Variants in AGBL4 observed in about 807,000 individuals in gnomAD.
AGBL4 encodes cytosolic carboxypeptidase 6.
AGBL4 carries 58 observed loss-of-function variants against 66.4 expected under a neutral mutation model. The observed-to-expected ratio is 0.87, with a 90% CI of 0.71 to 1.09. The LOEUF (loss-of-function observed/expected upper bound fraction) is 1.09. Among genes scored for constraint, AGBL4 ranks in the 50% least tolerant of loss-of-function variants. The pLI, the probability that AGBL4 is intolerant of heterozygous loss-of-function variation, is 0.00. For missense variants in AGBL4, 579 were observed against 631.0 expected (o/e 0.92, Z 0.88); for synonymous variants, 234 against 222.9 (o/e 1.05, Z -0.44).
intron 1 of AGBL4, among the ~76,000 whole-genome samples, chr1:50,010,493 C>CAG (rs1360108724): frequency 1.3e-5 from 2 of 151,486 alleles, no homozygotes; most frequent in Non-Finnish European, 1.5e-5. Flanking sequence ...CACACACACA[C>CAG]ACAACAGAGC....
At chr1:49,783,827 C>T in intron 2 of AGBL4, among the ~76,000 whole-genome samples, 1 of 151,718 alleles carries the variant, frequency 6.6e-6, no homozygotes, top group East Asian at 1.9e-4. Context: ...ATCAACACAC[C>T]AAAAAAATTT....
chr1:48,887,217 GA>G (rs1273364806), intron 5 of AGBL4, among the ~76,000 whole-genome samples: 2 of 152,110 alleles, frequency 1.3e-5, no homozygotes, highest in African/African-American at 4.8e-5. Context: ...GGGCATAGAG[GA>G]AAAAGATGAC....
At chr1:49,430,732 C>T (rs1222628717) in intron 3 of AGBL4, among the ~76,000 whole-genome samples, 1 of 152,166 alleles carries the variant, frequency 6.6e-6, no homozygotes, top group Non-Finnish European at 1.5e-5. Context: ...GAAACTAGCA[C>T]TCAGATCCAA....
At chr1:49,007,741 G>T (rs12039863) in intron 5 of AGBL4, among the ~76,000 whole-genome samples, 84,997 of 149,692 alleles carry the variant, frequency 0.57, 24,542 homozygotes, top group Non-Finnish European at 0.61. Context: ...TTAAAGAAAA[G>T]AATTTTCAAC....
At chr1:48,749,951 C>A (rs1345461973) in intron 6 of AGBL4, among the ~76,000 whole-genome samples, 1 of 152,148 alleles carries the variant, frequency 6.6e-6, no homozygotes, top group African/African-American at 2.4e-5. Flanking sequence ...GTGGGGTGGG[C>A]AGCATAAGGG....
At chr1:48,780,211 G>T (rs568243812) in intron 6 of AGBL4, among the ~76,000 whole-genome samples, 4 of 48,584 alleles carry the variant, frequency 8.2e-5, no homozygotes, top group Non-Finnish European at 1.5e-4. Flanking sequence ...ACAGGCCCCG[G>T]TATGTGATGT....
rs548184154 is a variant in AGBL4, at chr1:49,658,775, G to A, written c.282+38538C>T. Among the ~76,000 whole-genome samples, 268 of 151,348 alleles carry A rather than the reference G, an allele frequency of 1.8e-3. 1 individual carries two copies. The highest frequency in any genetic ancestry group is 5.9e-3 in the African/African-American group (244 of 41,200). ...TCGCAAGGACAAAAAACCAAACACC[G>A]CATGTTCTCACTCACAGGTGGGAAT... On this transcript the variant is annotated intron_variant, in intron 3 of 13. Coordinates refer to ENST00000371839, the MANE Select transcript of AGBL4 (RefSeq NM_032785.4).
chr1:48,630,516 C>G (rs1298620095), intron 9 of AGBL4, among the ~76,000 whole-genome samples: 1 of 152,156 alleles, frequency 6.6e-6, no homozygotes. Flanking sequence ...AGACTCCTTC[C>G]TCTCCCATCA....
At chr1:48,970,554 T>C (rs545596462) in intron 5 of AGBL4, among the ~76,000 whole-genome samples, 2 of 152,352 alleles carry the variant, frequency 1.3e-5, no homozygotes, top group South Asian at 2.1e-4. Context: ...TATTCTTTTA[T>C]AGTGCAGATT....
chr1:49,270,774 G>T (rs994484298), intron 3 of AGBL4, among the ~76,000 whole-genome samples: 3 of 152,054 alleles, frequency 2.0e-5, no homozygotes, highest in Non-Finnish European at 2.9e-5. Context: ...ACATCATTGG[G>T]AATTCTAATT....
chr1:49,348,033 T>C (rs980477577), intron 3 of AGBL4, among the ~76,000 whole-genome samples: 3 of 152,162 alleles, frequency 2.0e-5, no homozygotes, highest in African/African-American at 7.2e-5. Context: ...GGCAAAGGCT[T>C]TGCAGATACG....
intron 3 of AGBL4, among the ~76,000 whole-genome samples, chr1:49,596,994 C>T (rs1365727570): frequency 6.6e-6 from 1 of 152,148 alleles, no homozygotes; most frequent in Non-Finnish European, 1.5e-5. Context: ...ACCAAGCATG[C>T]ATATTAAAGT....
chr1:48,766,198 G>A (rs1644520399), intron 6 of AGBL4, among the ~76,000 whole-genome samples: 1 of 152,084 alleles, frequency 6.6e-6, no homozygotes, highest in African/African-American at 2.4e-5. Flanking sequence ...CTTGCAAGTA[G>A]GTATTATAAG....
At chr1:49,941,945 G>A (rs1172677756) in intron 1 of AGBL4, among the ~76,000 whole-genome samples, 1 of 151,980 alleles carries the variant, frequency 6.6e-6, no homozygotes, top group Admixed American at 6.6e-5. Flanking sequence ...AAAATTATAT[G>A]ATCTTTTACA....
At chr1:49,638,475 CA>C (rs1645720235) in intron 3 of AGBL4, among the ~76,000 whole-genome samples, 1 of 152,178 alleles carries the variant, frequency 6.6e-6, no homozygotes, top group Non-Finnish European at 1.5e-5. Context: ...CTAATCCATT[CA>C]AGAAGTACGG....
chr1:49,813,820 G>T (rs1336950075), intron 2 of AGBL4, among the ~76,000 whole-genome samples: 1 of 152,108 alleles, frequency 6.6e-6, no homozygotes, highest in African/African-American at 2.4e-5. Context: ...TACTTGATAT[G>T]GTTTGGCTGT....
intron 11 of AGBL4, among the ~76,000 whole-genome samples, chr1:48,551,596 G>T (rs907682570): frequency 6.6e-6 from 1 of 152,056 alleles, no homozygotes; most frequent in Non-Finnish European, 1.5e-5. Context: ...GAGAGAGAGA[G>T]AAAGAAAAGA....
chr1:48,620,567 C>T (rs6672019), intron 9 of AGBL4, among the ~76,000 whole-genome samples: 5,628 of 152,228 alleles, frequency 0.037, 234 homozygotes, highest in African/African-American at 0.11. Context: ...CTGGCCCAGT[C>T]TGTCTTTTAA....
intron 6 of AGBL4, among the ~76,000 whole-genome samples, chr1:48,803,244 C>T (rs897806018): frequency 1.3e-5 from 2 of 152,166 alleles, no homozygotes; most frequent in Admixed American, 1.3e-4. Context: ...TGGTTATGAG[C>T]TCTATAGGCA....
Sources: allele counts gnomAD v4.1 joint callset (sites outside exome capture counted in the v4.1 genomes callset), GRCh38; gene constraint gnomAD v4.1.1; transcripts MANE v1.5; gene names NCBI Gene and HGNC (gene_info 2026-07-23, HGNC 2026-07-21).